The following GAPVD1 variants were observed in gnomAD, a reference collection of about 807,000 sequenced individuals.
GAPVD1 encodes the protein GTPase-activating protein and VPS9 domain-containing protein 1.
Under a neutral mutation model 155.5 loss-of-function variants are expected in GAPVD1, and 35 were observed. That is an observed-to-expected ratio of 0.23 (90% CI 0.17 to 0.30). GAPVD1 has a LOEUF of 0.30. Among genes scored for constraint, GAPVD1 ranks in the 10% least tolerant of loss-of-function variants. The pLI is 1.00. For missense variants in GAPVD1, 1,429 were observed against 1,775.7 expected, an observed-to-expected ratio of 0.80 and a Z score of 3.51; for synonymous variants, 636 against 619.7, an observed-to-expected ratio of 1.03 and a Z score of -0.39.
At chr9:125,316,091 A>G (rs1843383554) in intron 9 of GAPVD1, among the ~76,000 whole-genome samples, 1 of 152,218 alleles carries the variant, frequency 6.6e-6, no homozygotes, top group Admixed American at 6.5e-5. Context: ...CAGAAAATTT[A>G]GAGAGATCAT....
chr9:125,331,886 G>A, intron 13 of GAPVD1, 40 bp from the exon 14 acceptor site: 2 of 1,606,016 alleles, frequency 1.2e-6, no homozygotes, highest in Non-Finnish European at 1.7e-6. Context: ...GGTGTGCTAA[G>A]AGAATCACAA....
At chr9:125,290,864 C>T (rs1169869112) in intron 2 of GAPVD1, among the ~76,000 whole-genome samples, 1 of 151,564 alleles carries the variant, frequency 6.6e-6, no homozygotes, top group African/African-American at 2.4e-5. Flanking sequence ...TGTGGTGGTG[C>T]ATGCCTGTGG....
Position 125,302,674 on chromosome 9 carries a change from T to C in GAPVD1, c.877T>C (p.Cys293Arg), listed in dbSNP as rs1360898577. 1.2e-6 allele frequency: 2 copies of C among 1,613,950 alleles called. No homozygotes were observed. Among genetic ancestry groups the C allele is most frequent in the Admixed American group, 3.3e-5 (2 of 60,006 alleles). The change falls in exon 5 of 28, where the codon TGT (cysteine) becomes CGT (arginine). Residue 293 changes from cysteine (C) to arginine (R), a missense_variant. Cys to Arg is a radical substitution (Grantham distance 180). Transcript: ENST00000297933. ...GTCTCAGATGTACAAAACCCTCTCC[T>C]GTGTAGATAGGCTGGAAGTTGGGGA... ...IVSQMYKTLSCVDRLEVGEVR... is the reference protein window; with the variant it reads ...IVSQMYKTLSRVDRLEVGEVR...
At chr9:125,308,181 T>C (rs1266720246) in intron 8 of GAPVD1, 14 of 461,302 alleles carry the variant, frequency 3.0e-5, no homozygotes, top group Non-Finnish European at 3.1e-5. Context: ...TAGTCATCTT[T>C]AAAACTATGT....
At chr9:125,311,724 CT>C (rs71374251) in intron 8 of GAPVD1, among the ~76,000 whole-genome samples, 69,920 of 144,606 alleles carry the variant, frequency 0.48, 16,401 homozygotes, top group Middle Eastern at 0.57. Flanking sequence ...TTTATTGTTT[CT>C]TTTTTTTTTT....
chr9:125,330,313 TAC>T, intron 13 of GAPVD1, 95 bp downstream of exon 13: 1 of 790,474 alleles, frequency 1.3e-6, no homozygotes, highest in Non-Finnish European at 1.9e-6. Context: ...TTTTGTCAAA[TAC>T]ACTTTTTTTT....
At chr9:125,328,878 G>A (rs1026581307) in intron 12 of GAPVD1, among the ~76,000 whole-genome samples, 1 of 152,204 alleles carries the variant, frequency 6.6e-6, no homozygotes, top group African/African-American at 2.4e-5. Context: ...GGCCGGGCAG[G>A]GGGGCTCACC....
chr9:125,352,794 T>C (rs1334645522), intron 23 of GAPVD1, among the ~76,000 whole-genome samples: 1 of 152,182 alleles, frequency 6.6e-6, no homozygotes, highest in Non-Finnish European at 1.5e-5. Context: ...TCTGAACGTT[T>C]ATGCTCTGTT....
rs550355673 is a variant in GAPVD1 at position 125,316,244 on chromosome 9, G to T, written c.1602+3632G>T. ...TTATACTATAAGTTCTGGGATACAT[G>T]TGCAGAACGTGCAGGTTTGTTACAT... is the stretch of plus-strand genomic sequence containing the variant. On this transcript the variant is annotated intron_variant, in intron 9 of 27. Coordinates refer to ENST00000297933, the MANE Select transcript of GAPVD1 (RefSeq NM_001282680.3). Among the ~76,000 whole-genome samples the T allele has an allele frequency of 2.3e-4, 35 of 152,138 alleles. No individual in the cohort carries two copies. In the South Asian group the frequency reaches 6.9e-3, roughly 30 times the overall value.
Position 125,367,126 on chromosome 9 carries a change from C to T in GAPVD1, c.*4380C>T, listed in dbSNP as rs1303715502. On this transcript the variant is annotated 3_prime_UTR_variant, in exon 28 of 28. Coordinates refer to ENST00000297933, the MANE Select transcript of GAPVD1 (RefSeq NM_001282680.3). ...ACAATCTTGTATATGTACAGGAAAC[C>T]CCTCCTGTCTCCTAATGTGATTAGT... is the stretch of plus-strand genomic sequence containing the variant. The T allele has an allele frequency of 6.6e-6, 1 of 152,204 alleles. No individual in the cohort carries two copies. Among genetic ancestry groups the T allele is most frequent in the African/African-American group, 2.4e-5 (1 of 41,522 alleles). The allele number at this position is 152,204 out of a possible 1,614,324, so 9.4% of individuals were successfully genotyped here.
At chr9:125,286,821 C>T (rs565286200) in intron 2 of GAPVD1, among the ~76,000 whole-genome samples, 14 of 152,158 alleles carry the variant, frequency 9.2e-5, no homozygotes, top group South Asian at 4.2e-4. Context: ...CGGTGGCTCA[C>T]GCCTGTAATC....
intron 24 of GAPVD1, among the ~76,000 whole-genome samples, chr9:125,355,094 A>AT (rs535034047): frequency 5.3e-5 from 8 of 152,106 alleles, no homozygotes; most frequent in African/African-American, 1.4e-4. Flanking sequence ...AAATTTTCTC[A>AT]TTTTTTTTAA....
chr9:125,327,258 G>C (rs772152733), intron 12 of GAPVD1, among the ~76,000 whole-genome samples: 1 of 151,670 alleles, frequency 6.6e-6, no homozygotes, highest in African/African-American at 2.4e-5. Context: ...CTCCTTTTTG[G>C]ATACTGTTTT....
At chr9:125,264,074 A>G (rs1833429629) in intron 1 of GAPVD1, 2 of 862,000 alleles carry the variant, frequency 2.3e-6, no homozygotes, top group Non-Finnish European at 3.9e-6. Flanking sequence ...GAGTTCATAA[A>G]TGGCAATCTG....
At chr9:125,290,534 C>T (rs1044723292) in intron 2 of GAPVD1, among the ~76,000 whole-genome samples, 1 of 152,048 alleles carries the variant, frequency 6.6e-6, no homozygotes, top group Non-Finnish European at 1.5e-5. Context: ...TCATTTTTCT[C>T]AATGAAGACA....
Position 125,350,376 on chromosome 9 carries a change from T to C in GAPVD1, c.3381T>C (p.Asn1127=). Reference sequence around the variant, plus strand: ...CAGTGCTGACCCATTCAACAAGGAATGGTTTACCAGACCACACAGACCCAG... The same window carrying C: ...CAGTGCTGACCCATTCAACAAGGAACGGTTTACCAGACCACACAGACCCAG... The part of the protein sequence containing the change: ...AFPVLTHSTR[N]GLPDHTDPED... The change falls in exon 22 of 28, where the codon AAT becomes AAC. Residue 1127 remains asparagine (N), a synonymous_variant. Coordinates refer to ENST00000297933, the MANE Select transcript of GAPVD1 (RefSeq NM_001282680.3). 1.9e-6 allele frequency: 3 copies of C among 1,609,276 alleles called. No homozygotes were observed. Among genetic ancestry groups the C allele is most frequent in the Non-Finnish European group, 2.5e-6 (3 of 1,177,338 alleles).
At chr9:125,275,356 G>A (rs919051228) in intron 2 of GAPVD1, among the ~76,000 whole-genome samples, 1 of 152,214 alleles carries the variant, frequency 6.6e-6, no homozygotes, top group African/African-American at 2.4e-5. Context: ...GATTACAGGC[G>A]TAAGCCACCA....
At chr9:125,343,469 G>A (rs1848114776) in intron 19 of GAPVD1, among the ~76,000 whole-genome samples, 1 of 152,050 alleles carries the variant, frequency 6.6e-6, no homozygotes, top group African/African-American at 2.4e-5. Context: ...AGCATTACAG[G>A]TAGAATCCCA....
chr9:125,262,073 A>G (rs948267865), intron 1 of GAPVD1, 114 bp downstream of exon 1: 2 of 152,278 alleles, frequency 1.3e-5, no homozygotes, highest in Non-Finnish European at 2.9e-5. Flanking sequence ...GTCAGGTCCA[A>G]CTGACCCCGG....
Sources: allele counts gnomAD v4.1 joint callset (sites outside exome capture counted in the v4.1 genomes callset), GRCh38; gene constraint gnomAD v4.1.1; transcripts MANE v1.5; gene names NCBI Gene and HGNC (gene_info 2026-07-23, HGNC 2026-07-21).